Variants in WDPCP observed in about 807,000 individuals in gnomAD.
WDPCP encodes the protein WD repeat containing planar cell polarity effector.
Under a neutral mutation model 93.1 loss-of-function variants are expected in WDPCP, and 71 were observed. The ratio of observed to expected loss-of-function variants is 0.76; its 90% CI spans 0.63 to 0.93. The LOEUF is 0.93. Among genes scored for constraint, WDPCP ranks in the 40% least tolerant of loss-of-function variants. The pLI is 0.00. For missense variants in WDPCP, 844 were observed against 887.4 expected (o/e 0.95, Z 0.62); for synonymous variants, 315 against 315.0 (o/e 1.00, Z 0.00).
At chr2:63,268,695 G>A (rs1682368955) in intron 13 of WDPCP, among the ~76,000 whole-genome samples, 1 of 147,264 alleles carries the variant, frequency 6.8e-6, no homozygotes, top group African/African-American at 2.6e-5. Context: ...TGCCCAGGCT[G>A]GTTTCAAACT....
rs1004363921 is a variant in WDPCP at position 63,436,664 on chromosome 2, A to C, written c.633+757T>G. The stretch of plus-strand genomic sequence containing the variant: ...GAACAGTGAACTGTCTCAAATCCAC[A>C]TCATAGAGGTTGGATCAATCTTGCA... On this transcript the variant is annotated intron_variant, in intron 8 of 17. Coordinates refer to ENST00000272321, the MANE Select transcript of WDPCP (RefSeq NM_015910.7). Among the ~76,000 whole-genome samples the C allele has an allele frequency of 3.3e-5, 5 of 152,058 alleles. No individual in the cohort carries two copies. The East Asian group carries it at 9.6e-4, about 29-fold the overall frequency.
intron 17 of WDPCP, among the ~76,000 whole-genome samples, chr2:63,140,917 T>C (rs982238711): frequency 6.6e-6 from 1 of 152,198 alleles, no homozygotes; most frequent in Non-Finnish European, 1.5e-5. Context: ...GCTTTCAACT[T>C]TTCCCCATTC....
At chr2:63,495,775 C>A (rs1701187455) in intron 1 of WDPCP, among the ~76,000 whole-genome samples, 1 of 152,112 alleles carries the variant, frequency 6.6e-6, no homozygotes, top group African/African-American at 2.4e-5. Context: ...ATATCCATCA[C>A]TACGCAAATT....
At chr2:63,647,407 T>G (rs992567583) in intron 3 of WDPCP, among the ~76,000 whole-genome samples, 2 of 152,208 alleles carry the variant, frequency 1.3e-5, no homozygotes. Flanking sequence ...GTGCTGAGAT[T>G]ACAGGCGTGA....
intron 6 of WDPCP, among the ~76,000 whole-genome samples, chr2:63,451,126 A>G (rs1474725772): frequency 6.6e-6 from 1 of 152,068 alleles, no homozygotes; most frequent in Non-Finnish European, 1.5e-5. Context: ...GATATGAACG[A>G]GAAATTTACC....
chr2:63,193,879 C>T (rs1008005756), intron 14 of WDPCP, among the ~76,000 whole-genome samples: 5 of 151,914 alleles, frequency 3.3e-5, no homozygotes, highest in Non-Finnish European at 5.9e-5. Flanking sequence ...TGGCTTTTTG[C>T]GAAATTTTGA....
At chr2:63,718,920 A>C (rs112658293) in intron 2 of WDPCP, among the ~76,000 whole-genome samples, 2,529 of 152,334 alleles carry the variant, frequency 0.017, 21 homozygotes, top group African/African-American at 0.017. Flanking sequence ...ATATAAAAGG[A>C]GAAATCCACC....
chr2:63,376,997 GT>G (rs1158081283), intron 12 of WDPCP, among the ~76,000 whole-genome samples: 1 of 151,710 alleles, frequency 6.6e-6, no homozygotes, highest in Non-Finnish European at 1.5e-5. Context: ...CTTTTTGGCA[GT>G]TAAAAATAGT....
At chr2:63,190,517 T>C (rs988098523) in intron 14 of WDPCP, among the ~76,000 whole-genome samples, 5 of 151,916 alleles carry the variant, frequency 3.3e-5, no homozygotes, top group Non-Finnish European at 7.4e-5. Context: ...TTTGTAAATA[T>C]GTTTAAATTG....
intron 12 of WDPCP, among the ~76,000 whole-genome samples, chr2:63,334,873 C>G (rs1688238776): frequency 6.6e-6 from 1 of 152,076 alleles, no homozygotes; most frequent in Admixed American, 6.5e-5. Flanking sequence ...ACAATTTGCC[C>G]ACGAGGAAAT....
intron 1 of WDPCP, among the ~76,000 whole-genome samples, chr2:63,522,445 C>CAGAG (rs1165831855): frequency 2.6e-5 from 3 of 114,064 alleles, no homozygotes; most frequent in Non-Finnish European, 5.6e-5. Context: ...TCAAGACAGA[C>CAGAG]AGACAGACAG....
intron 1 of WDPCP, among the ~76,000 whole-genome samples, chr2:63,825,043 A>G (rs1671091969): frequency 6.6e-6 from 1 of 152,228 alleles, no homozygotes. Flanking sequence ...AATCTTTAAG[A>G]CCTTAATAAA....
chr2:63,237,803 A>G (rs1679526513), intron 14 of WDPCP, among the ~76,000 whole-genome samples: 2 of 152,124 alleles, frequency 1.3e-5, no homozygotes, highest in African/African-American at 4.8e-5. Context: ...TAAATATGGG[A>G]ACAGCACACA....
intron 1 of WDPCP, among the ~76,000 whole-genome samples, chr2:63,539,668 A>G (rs1704565935): frequency 6.6e-6 from 1 of 152,210 alleles, no homozygotes; most frequent in East Asian, 1.9e-4. Flanking sequence ...CCTGGGTGAC[A>G]TAGCAAGACT....
At chr2:63,600,799 C>A (rs986483010) in intron 3 of WDPCP, among the ~76,000 whole-genome samples, 8 of 152,138 alleles carry the variant, frequency 5.3e-5, no homozygotes, top group Non-Finnish European at 1.2e-4. Context: ...GTTTGAATGG[C>A]AGGCAGTTTG....
intron 17 of WDPCP, among the ~76,000 whole-genome samples, chr2:63,127,720 C>T (rs1484995540): frequency 1.4e-5 from 2 of 147,384 alleles, no homozygotes; most frequent in Non-Finnish European, 3.0e-5. Context: ...TATATATATG[C>T]ACACACTCCC....
At chr2:63,641,114 T>G (rs1324059756) in intron 3 of WDPCP, among the ~76,000 whole-genome samples, 1 of 152,220 alleles carries the variant, frequency 6.6e-6, no homozygotes, top group Non-Finnish European at 1.5e-5. Flanking sequence ...CATAATGATC[T>G]TTGGTTCCAT....
At chr2:63,550,192 A>AACACACACAC (rs56155473) in intron 1 of WDPCP, among the ~76,000 whole-genome samples, 49 of 44,354 alleles carry the variant, frequency 1.1e-3, no homozygotes, top group South Asian at 2.8e-3. Flanking sequence ...CATCTTAAGA[A>AACACACACAC]ACACACACAC....
Position 63,606,291 on chromosome 2 carries a change from G to A in WDPCP, n.488+44368C>T, listed in dbSNP as rs137931321. On this transcript the variant is annotated intron_variant and non_coding_transcript_variant, in intron 3 of 4. Transcript: ENST00000467687. Reference sequence around the variant, plus strand: ...AGGTTCTTGAGAGGCTGAGGTAGGAGGATCACTTGAGCTTAGGAGATCAAG... The same window carrying A: ...AGGTTCTTGAGAGGCTGAGGTAGGAAGATCACTTGAGCTTAGGAGATCAAG... Among the ~76,000 whole-genome samples the A allele has an allele frequency of 1.3e-3, 202 of 152,222 alleles. 2 individuals carry two copies. Among genetic ancestry groups the A allele is most frequent in the African/African-American group, 4.4e-3 (182 of 41,526 alleles).
Sources: allele counts gnomAD v4.1 joint callset (sites outside exome capture counted in the v4.1 genomes callset), GRCh38; gene constraint gnomAD v4.1.1; transcripts MANE v1.5; gene names NCBI Gene and HGNC (gene_info 2026-07-23, HGNC 2026-07-21).